DPH6: variants seen among roughly 807,000 people sequenced by gnomAD.
DPH6 encodes diphthamine biosynthesis 6, also known as diphthine--ammonia ligase.
Under a neutral mutation model 38.2 loss-of-function variants are expected in DPH6, and 33 were observed. The ratio of observed to expected loss-of-function variants is 0.86; its 90% CI spans 0.65 to 1.15. DPH6 has a LOEUF of 1.15. DPH6 is among the 50% of genes most tolerant of loss of function. The pLI is 0.00. For synonymous variants in DPH6, 108 were observed against 103.0 expected (o/e 1.05, Z -0.30); for missense variants, 325 against 320.0 (o/e 1.02, Z -0.12).
At chr15:35,308,800 A>C (rs1216778574) in intron 3 of DPH6, among the ~76,000 whole-genome samples, 1 of 152,234 alleles carries the variant, frequency 6.6e-6, no homozygotes, top group Non-Finnish European at 1.5e-5. Context: ...GAGGATCAAC[A>C]CTATGGAGAT....
chr15:35,388,417 G>A (rs1402314159), intron 6 of DPH6, among the ~76,000 whole-genome samples: 1 of 152,182 alleles, frequency 6.6e-6, no homozygotes, highest in African/African-American at 2.4e-5. Context: ...AGAAGGAATG[G>A]TACCAGCTCC....
At chr15:35,377,878 T>C (rs919623803) in intron 7 of DPH6, among the ~76,000 whole-genome samples, 3 of 151,998 alleles carry the variant, frequency 2.0e-5, no homozygotes, top group Non-Finnish European at 4.4e-5. Context: ...TCATATTGTT[T>C]TTTTTTTTAG....
chr15:35,157,206 CT>C, the DPH6 span, among the ~76,000 whole-genome samples: 1 of 152,090 alleles, frequency 6.6e-6, no homozygotes, highest in Non-Finnish European at 1.5e-5. Context: ...TCTAATTTTT[CT>C]GTTTCTTCAT....
intron 5 of DPH6, among the ~76,000 whole-genome samples, chr15:35,429,186 T>A (rs566885699): frequency 2.0e-4 from 30 of 152,274 alleles, no homozygotes; most frequent in Admixed American, 3.3e-4. Context: ...TAGATCTCCT[T>A]AGCTGCTTTG....
At chr15:35,330,409 T>C (rs928681834), downstream of DPH6, among the ~76,000 whole-genome samples, 3 of 152,168 alleles carry the variant, frequency 2.0e-5, no homozygotes, top group African/African-American at 7.2e-5. Flanking sequence ...TTTTGTTTTA[T>C]ATGTCAATAT....
the DPH6 span, among the ~76,000 whole-genome samples, chr15:35,185,221 C>T: frequency 6.6e-6 from 1 of 152,150 alleles, no homozygotes; most frequent in African/African-American, 2.4e-5. Flanking sequence ...CCTGCCATCC[C>T]AACTGCGTAT....
At chr15:35,507,867 CATAT>C (rs2054715880) in intron 3 of DPH6, among the ~76,000 whole-genome samples, 1 of 151,828 alleles carries the variant, frequency 6.6e-6, no homozygotes, top group Admixed American at 6.6e-5. Flanking sequence ...TTCATACAAA[CATAT>C]ATATAACCCA....
intron 3 of DPH6, among the ~76,000 whole-genome samples, chr15:35,321,351 C>G (rs2052238901): frequency 6.6e-6 from 1 of 152,184 alleles, no homozygotes; most frequent in Non-Finnish European, 1.5e-5. Context: ...CATAATTTTG[C>G]AAAGGTGGTT....
intron 3 of DPH6, among the ~76,000 whole-genome samples, chr15:35,240,018 C>T (rs1285822723): frequency 1.4e-5 from 2 of 142,270 alleles, no homozygotes; most frequent in African/African-American, 2.5e-5. Flanking sequence ...ACTCTTTTCT[C>T]TGGGCTTGCC....
intron 3 of DPH6, among the ~76,000 whole-genome samples, chr15:35,503,126 A>C (rs2054649357): frequency 6.6e-6 from 1 of 151,754 alleles, no homozygotes; most frequent in Non-Finnish European, 1.5e-5. Context: ...GTTAGTTCTT[A>C]TAGAAATTTA....
chr15:35,159,115 T>C, the DPH6 span, among the ~76,000 whole-genome samples: 1 of 152,068 alleles, frequency 6.6e-6, no homozygotes, highest in South Asian at 2.1e-4. Context: ...TTCCGACATT[T>C]CTCTCTACTC....
intron 3 of DPH6, among the ~76,000 whole-genome samples, chr15:35,494,421 C>T (rs1354369517): frequency 4.6e-5 from 7 of 151,902 alleles, no homozygotes; most frequent in Non-Finnish European, 8.8e-5. Context: ...TAACTGAAAA[C>T]AAATTAGACA....
chr15:35,383,892 A>G (rs980622618), intron 6 of DPH6, among the ~76,000 whole-genome samples: 3 of 152,232 alleles, frequency 2.0e-5, no homozygotes, highest in Admixed American at 6.5e-5. Context: ...TTCTTTAATG[A>G]ATCTTCTAAG....
At chr15:35,522,266 T>C (rs190707486) in intron 3 of DPH6, 133 of 1,613,004 alleles carry the variant, frequency 8.2e-5, no homozygotes, top group Admixed American at 2.2e-4. Flanking sequence ...AGCAAGGTCA[T>C]TCTAGTGATG....
intron 3 of DPH6, chr15:35,489,309 G>C: frequency 1.0e-6 from 1 of 983,408 alleles, no homozygotes; most frequent in Non-Finnish European, 1.2e-6. Flanking sequence ...TAAGCAAAGA[G>C]AAGCAGTGAT....
At chr15:35,255,067 C>T (rs999977837) in intron 3 of DPH6, among the ~76,000 whole-genome samples, 1 of 152,128 alleles carries the variant, frequency 6.6e-6, no homozygotes, top group African/African-American at 2.4e-5. Context: ...GTGCAAGCCA[C>T]AGGGGATGCG....
At chr15:35,537,588 T>C (rs1223869891) in intron 3 of DPH6, among the ~76,000 whole-genome samples, 4 of 152,114 alleles carry the variant, frequency 2.6e-5, no homozygotes, top group Non-Finnish European at 4.4e-5. Flanking sequence ...TAGAAATTAA[T>C]CAGTGCAAAA....
At chr15:35,299,540 C>T in intron 3 of DPH6, 2 of 563,094 alleles carry the variant, frequency 3.6e-6, no homozygotes, top group Non-Finnish European at 3.2e-6. Context: ...GGCGGCACCA[C>T]CCTCCGCTGA....
chr15:35,188,766 C>T, the DPH6 span, among the ~76,000 whole-genome samples: 3 of 152,076 alleles, frequency 2.0e-5, no homozygotes, highest in Non-Finnish European at 4.4e-5. Flanking sequence ...AACGTGAAGT[C>T]CCAGCTACTC....
Sources: allele counts gnomAD v4.1 joint callset (sites outside exome capture counted in the v4.1 genomes callset), GRCh38; gene constraint gnomAD v4.1.1; transcripts MANE v1.5; gene names NCBI Gene and HGNC (gene_info 2026-07-23, HGNC 2026-07-21).